PTPRR: variants seen among roughly 807,000 people sequenced by gnomAD.
PTPRR encodes receptor-type tyrosine-protein phosphatase R.
PTPRR carries 38 observed loss-of-function variants against 77.2 expected under a neutral mutation model. The observed-to-expected ratio is 0.49, with a 90% CI of 0.38 to 0.65. The LOEUF (loss-of-function observed/expected upper bound fraction) is 0.65. Among genes scored for constraint, PTPRR ranks in the 30% least tolerant of loss-of-function variants. The pLI is 0.00. For missense variants in PTPRR, 744 were observed against 799.2 expected (o/e 0.93, Z 0.83); for synonymous variants, 299 against 283.1 (o/e 1.06, Z -0.57).
At chr12:70,778,866 CAG>C (rs1477812555) in intron 2 of PTPRR, among the ~76,000 whole-genome samples, 6 of 152,158 alleles carry the variant, frequency 3.9e-5, no homozygotes, top group African/African-American at 1.2e-4. Flanking sequence ...GTTTTTTAGA[CAG>C]AGTTTTCACT....
At chr12:70,767,253 C>T (rs76694401) in intron 2 of PTPRR, among the ~76,000 whole-genome samples, 9,124 of 150,424 alleles carry the variant, frequency 0.061, 305 homozygotes, top group Middle Eastern at 0.099. Context: ...CATCAGTGTG[C>T]TGTATTCAGG....
chr12:70,639,817 C>A (rs560195410), intron 13 of PTPRR: 1 of 152,586 alleles, frequency 6.6e-6, no homozygotes, highest in Non-Finnish European at 1.5e-5. Context: ...AATTGATTGA[C>A]GGAGACAAAC....
chr12:70,751,818 T>A (rs1381671053), intron 5 of PTPRR, among the ~76,000 whole-genome samples: 1 of 152,226 alleles, frequency 6.6e-6, no homozygotes, highest in Non-Finnish European at 1.5e-5. Context: ...GATTCATTTG[T>A]TGCAACTGAT....
chr12:70,682,106 C>G (rs1484854931), intron 10 of PTPRR, among the ~76,000 whole-genome samples: 4 of 129,698 alleles, frequency 3.1e-5, no homozygotes, highest in East Asian at 4.8e-4. Context: ...TGCAGTGGCG[C>G]GATCTCGGCT....
chr12:70,789,682 C>T (rs1159611571), intron 2 of PTPRR, among the ~76,000 whole-genome samples: 2 of 151,858 alleles, frequency 1.3e-5, no homozygotes, highest in African/African-American at 4.8e-5. Context: ...CTTTTAGAAG[C>T]TAATAGTCTG....
chr12:70,842,799 T>C lies in PTPRR; in HGVS notation c.357+49880A>G, dbSNP rs529293418. Among the ~76,000 whole-genome samples, 10 of 152,356 alleles carry C rather than the reference T, an allele frequency of 6.6e-5. No individual in the cohort carries two copies. The South Asian group carries it at 8.3e-4, about 13-fold the overall frequency. Reference sequence around the variant, plus strand: ...TCCAAAATAAGATAATAGTCACAGATTCCAGAGATTTGGCATGGATATCTT... The same window carrying C: ...TCCAAAATAAGATAATAGTCACAGACTCCAGAGATTTGGCATGGATATCTT... On this transcript the variant is annotated intron_variant, in intron 2 of 13. Transcript: ENST00000283228.
intron 6 of PTPRR, among the ~76,000 whole-genome samples, chr12:70,741,548 T>A (rs1395307678): frequency 6.6e-6 from 1 of 152,188 alleles, no homozygotes; most frequent in Non-Finnish European, 1.5e-5. Flanking sequence ...GGTGTTTTAT[T>A]GCATTTGAAG....
intron 10 of PTPRR, among the ~76,000 whole-genome samples, chr12:70,674,543 AT>A (rs1056193008): frequency 2.0e-5 from 3 of 152,074 alleles, no homozygotes; most frequent in Admixed American, 6.5e-5. Flanking sequence ...ATCAAAGTGT[AT>A]TTTTTAATCT....
intron 10 of PTPRR, among the ~76,000 whole-genome samples, chr12:70,663,234 C>A (rs1886861234): frequency 1.3e-5 from 2 of 152,064 alleles, no homozygotes; most frequent in Admixed American, 6.6e-5. Context: ...TATAATGGAT[C>A]CTCCTGAGGA....
chr12:70,760,237 CA>C (rs1565685739), intron 4 of PTPRR, among the ~76,000 whole-genome samples: 2 of 152,160 alleles, frequency 1.3e-5, no homozygotes, highest in Non-Finnish European at 2.9e-5. Flanking sequence ...AACTAAGGCT[CA>C]GGGAGGTTGA....
At chr12:70,651,646 G>C (rs946603578) in intron 13 of PTPRR, among the ~76,000 whole-genome samples, 1 of 152,112 alleles carries the variant, frequency 6.6e-6, no homozygotes, top group African/African-American at 2.4e-5. Flanking sequence ...TGTTGCCCAG[G>C]GTGGGTGGCC....
At chr12:70,639,487 C>A (rs1566035513) in intron 13 of PTPRR, 1 of 1,335,140 alleles carries the variant, frequency 7.5e-7, no homozygotes, top group East Asian at 3.0e-5. Flanking sequence ...ACACAGTTCC[C>A]AGCACACACT....
chr12:70,886,814 A>G (rs1268670617), intron 2 of PTPRR, among the ~76,000 whole-genome samples: 2 of 152,244 alleles, frequency 1.3e-5, no homozygotes, highest in Non-Finnish European at 2.9e-5. Context: ...CATCAAATAA[A>G]TAGTTATGAG....
intron 6 of PTPRR, among the ~76,000 whole-genome samples, chr12:70,732,955 A>G (rs1889714814): frequency 6.6e-6 from 1 of 152,180 alleles, no homozygotes; most frequent in Admixed American, 6.5e-5. Context: ...GATTTAACAA[A>G]TATTTATGGA....
intron 2 of PTPRR, among the ~76,000 whole-genome samples, chr12:70,836,481 C>T (rs941423039): frequency 6.6e-6 from 1 of 151,854 alleles, no homozygotes; most frequent in African/African-American, 2.4e-5. Context: ...GACATATCAC[C>T]ACAAATCAAA....
intron 2 of PTPRR, among the ~76,000 whole-genome samples, chr12:70,864,043 G>A (rs1892798856): frequency 6.6e-6 from 1 of 152,150 alleles, no homozygotes; most frequent in Non-Finnish European, 1.5e-5. Flanking sequence ...AGATACAAAA[G>A]GGTAATTTTG....
intron 2 of PTPRR, among the ~76,000 whole-genome samples, chr12:70,777,913 G>A (rs550835090): frequency 6.6e-6 from 1 of 152,298 alleles, no homozygotes; most frequent in Non-Finnish European, 1.5e-5. Flanking sequence ...TTATGCCAAT[G>A]AATATATGCT....
chr12:70,808,481 C>G (rs1289396559), intron 2 of PTPRR, among the ~76,000 whole-genome samples: 1 of 152,120 alleles, frequency 6.6e-6, no homozygotes, highest in East Asian at 1.9e-4. Flanking sequence ...AACCTGCTGA[C>G]ATGTGATGTC....
intron 2 of PTPRR, among the ~76,000 whole-genome samples, chr12:70,766,911 G>A (rs376373164): frequency 2.6e-5 from 4 of 151,960 alleles, no homozygotes; most frequent in Admixed American, 6.6e-5. Flanking sequence ...ATCCAGCCAA[G>A]CTAAGCTTCA....
Sources: allele counts gnomAD v4.1 joint callset (sites outside exome capture counted in the v4.1 genomes callset), GRCh38; gene constraint gnomAD v4.1.1; transcripts MANE v1.5; gene names NCBI Gene and HGNC (gene_info 2026-07-23, HGNC 2026-07-21).